CDR2: variants seen among roughly 807,000 people sequenced by gnomAD.
The protein encoded by CDR2 is cerebellar degeneration related protein 2, also known as cerebellar degeneration-related protein 2.
In CDR2, 34 loss-of-function variants were observed where a neutral mutation model predicts 48.4. The ratio of observed to expected loss-of-function variants is 0.70; its 90% confidence interval spans 0.53 to 0.94. CDR2 has a LOEUF of 0.94. Among genes scored for constraint, CDR2 ranks in the 40% least tolerant of loss-of-function variants. CDR2 has a pLI of 0.00. For synonymous variants in CDR2, 240 were observed against 219.7 expected (o/e 1.09, Z -0.82); for missense variants, 498 against 549.5 (o/e 0.91, Z 0.94).
intron 1 of CDR2, among the ~76,000 whole-genome samples, chr16:22,369,287 GAAAA>G (rs71312635): frequency 9.8e-5 from 13 of 132,770 alleles, no homozygotes; most frequent in Admixed American, 5.1e-4. Flanking sequence ...CTCTTAGCAG[GAAAA>G]AAAAAAAAAA....
At chr16:22,367,584 A>C (rs368404880) in intron 1 of CDR2, among the ~76,000 whole-genome samples, 2 of 152,224 alleles carry the variant, frequency 1.3e-5, no homozygotes, top group African/African-American at 2.4e-5. Flanking sequence ...ATTTATCATA[A>C]AAACAAGGAA....
chr16:22,347,828 G>T lies in CDR2; in HGVS notation c.507-5C>A. On this transcript the variant is annotated splice_polypyrimidine_tract_variant and splice_region_variant and intron_variant, in intron 4 of 4. Coordinates refer to ENST00000268383, the MANE Select transcript of CDR2 (RefSeq NM_001802.2). ...ACATGATCATACACGAAGTGTCTAG[G>T]GAAAAAAATATTGAAAGAATATATT... is the stretch of plus-strand genomic sequence containing the variant. 1 of 1,597,880 alleles carries T rather than the reference G, an allele frequency of 6.3e-7. No homozygotes were observed. Among genetic ancestry groups the T allele is most frequent in the African/African-American group, 1.3e-5 (1 of 74,324 alleles).
intron 1 of CDR2, among the ~76,000 whole-genome samples, chr16:22,370,180 G>A (rs1460136529): frequency 2.6e-5 from 4 of 152,198 alleles, no homozygotes; most frequent in Non-Finnish European, 5.9e-5. Context: ...TTCACTAACA[G>A]TAAGGCTGAA....
chr16:22,371,316 A>G (rs1314988360), intron 1 of CDR2, among the ~76,000 whole-genome samples: 1 of 152,256 alleles, frequency 6.6e-6, no homozygotes. Context: ...AAATCCCACT[A>G]GACTTGCTGA....
chr16:22,371,756 A>G (rs1265199787), intron 1 of CDR2, among the ~76,000 whole-genome samples: 1 of 152,192 alleles, frequency 6.6e-6, no homozygotes, highest in East Asian at 1.9e-4. Context: ...ATAGTTGGTT[A>G]TGACACAGAG....
intron 2 of CDR2, among the ~76,000 whole-genome samples, chr16:22,357,005 C>A (rs1425623515): frequency 6.7e-6 from 1 of 149,568 alleles, no homozygotes; most frequent in Non-Finnish European, 1.5e-5. Flanking sequence ...AAAGCGGCAG[C>A]ATTCCCAAGG....
chr16:22,347,885 A>G (rs2048918219), intron 4 of CDR2, 62 bp from the exon 5 acceptor site: 1 of 1,442,930 alleles, frequency 6.9e-7, no homozygotes. Context: ...CGAGAGGAAG[A>G]CTGGTGATTT....
chr16:22,364,972 C>T lies in CDR2; in HGVS notation c.122G>A (p.Arg41Gln), dbSNP rs993190012. 5.6e-6 allele frequency: 9 copies of T among 1,613,474 alleles called. No individual in the cohort carries two copies. In the Admixed American group the frequency reaches 6.7e-5, roughly 12 times the overall value. ...AAELGKTLLD[R>Q]NTELEDSVQQ... ...AACAGAGTCCTCCAACTCTGTGTTC[C>T]GATCCAGTAATGTCTTCCCAAGCTC... is the stretch of plus-strand genomic sequence containing the variant. The change falls in exon 2 of 5, where the codon CGG (arginine) becomes CAG (glutamine). Residue 41 changes from arginine (R) to glutamine (Q), a missense_variant. Arg to Gln is a conservative substitution (Grantham distance 43). Transcript: ENST00000268383.
At chr16:22,360,158 CA>C (rs1224578074) in intron 2 of CDR2, among the ~76,000 whole-genome samples, 1 of 152,142 alleles carries the variant, frequency 6.6e-6, no homozygotes, top group Non-Finnish European at 1.5e-5. Flanking sequence ...ACGGTTGTAG[CA>C]AAGTGTAAAT....
chr16:22,348,942 C>T (rs1445956869), intron 4 of CDR2, among the ~76,000 whole-genome samples: 1 of 152,094 alleles, frequency 6.6e-6, no homozygotes, highest in Admixed American at 6.5e-5. Flanking sequence ...AGCAAAAAAT[C>T]TCCTGTTCGC....
At chr16:22,364,815 T>G (rs2141851820) in intron 2 of CDR2, 87 bp downstream of exon 2, 1 of 722,102 alleles carries the variant, frequency 1.4e-6, no homozygotes, top group Non-Finnish European at 2.4e-6. Context: ...TGCATCTAAT[T>G]GCAAGTGCTT....
At chr16:22,368,096 A>T (rs1014539747) in intron 1 of CDR2, among the ~76,000 whole-genome samples, 10 of 152,222 alleles carry the variant, frequency 6.6e-5, no homozygotes, top group Non-Finnish European at 1.2e-4. Flanking sequence ...AAATAAAAAA[A>T]TAAAAAATAA....
chr16:22,362,909 C>T (rs558688767), intron 2 of CDR2, among the ~76,000 whole-genome samples: 1 of 151,124 alleles, frequency 6.6e-6, no homozygotes, highest in Admixed American at 6.6e-5. Context: ...TTTTAAATGC[C>T]TAGTTTCTCT....
At chr16:22,374,116 G>T in intron 1 of CDR2, 115 bp downstream of exon 1, 1 of 656,598 alleles carries the variant, frequency 1.5e-6, no homozygotes, top group Non-Finnish European at 2.6e-6. Flanking sequence ...GTGAGCCTGA[G>T]CCCTTCCCGG....
chr16:22,370,381 C>T (rs187778262), intron 1 of CDR2, among the ~76,000 whole-genome samples: 1 of 152,302 alleles, frequency 6.6e-6, no homozygotes, highest in Non-Finnish European at 1.5e-5. Context: ...ATGTACTCAT[C>T]CTGCAATTTT....
In CDR2 at chr16:22,349,722, G is replaced by A. The variant is rs1384763549; in HGVS notation, c.320C>T (p.Ala107Val). The A allele has an allele frequency of 5.0e-6, 8 of 1,613,914 alleles. No individual in the cohort carries two copies. In the African/African-American group the frequency reaches 6.7e-5, roughly 13 times the overall value. The change falls in exon 3 of 5, where the codon GCC (alanine) becomes GTC (valine). Residue 107 changes from alanine (A) to valine (V), a missense_variant. By Grantham distance (64) the Ala-to-Val change is moderately conservative. Transcript: ENST00000268383. Reference protein sequence around the residue: ...TNQKLVADSKASQQKILSLTE... With the variant: ...TNQKLVADSKVSQQKILSLTE... The stretch of plus-strand genomic sequence containing the variant: ...TTACCTCAGAATCTTTTGCTGTGAG[G>A]CCTTGCTGTCAGCAACTAGCTTTTG...
rs117163191 is a variant in CDR2 at position 22,347,438 on chromosome 16, C to G, written c.892G>C (p.Val298Leu). 6 of 1,614,036 alleles carry G rather than the reference C, an allele frequency of 3.7e-6. No individual in the cohort carries two copies. The East Asian group carries it at 1.3e-4, about 36-fold the overall frequency. ...QSLLEEMFLT[V>L]PESHRKPLKR... is the part of the protein sequence containing the mutation. ...AGAGGCTTTCTATGTGATTCCGGCA[C>G]AGTCAGGAACATCTCTTCCAGCAGG... is the stretch of plus-strand genomic sequence containing the variant. The change falls in exon 5 of 5, where the codon GTG becomes CTG. Residue 298 changes from valine to leucine, a missense_variant. Coordinates refer to ENST00000268383, the MANE Select transcript of CDR2 (RefSeq NM_001802.2).
At chr16:22,351,239 C>T (rs578086478) in intron 2 of CDR2, among the ~76,000 whole-genome samples, 2 of 152,320 alleles carry the variant, frequency 1.3e-5, no homozygotes, top group Admixed American at 1.3e-4. Context: ...ACATGTGCCA[C>T]ATTTTCTTAA....
intron 2 of CDR2, 66 bp from the exon 3 acceptor site, chr16:22,349,915 G>A: frequency 6.6e-7 from 1 of 1,508,336 alleles, no homozygotes; most frequent in Non-Finnish European, 9.2e-7. Flanking sequence ...TTGGCTGGCT[G>A]CGGTGGCTCA....
Sources: allele counts gnomAD v4.1 joint callset (sites outside exome capture counted in the v4.1 genomes callset), GRCh38; gene constraint gnomAD v4.1.1; transcripts MANE v1.5; gene names NCBI Gene and HGNC (gene_info 2026-07-23, HGNC 2026-07-21).